The following AGAP4 variants were observed in gnomAD, a reference collection of about 807,000 sequenced individuals.
The protein encoded by AGAP4 is ArfGAP with GTPase domain, ankyrin repeat and PH domain 4.
AGAP4 carries 13 observed loss-of-function variants against 60.7 expected under a neutral mutation model. The observed-to-expected ratio is 0.21, with a 90% CI of 0.14 to 0.34. The LOEUF (loss-of-function observed/expected upper bound fraction) is 0.34, where lower values mean the gene tolerates loss of function less well. AGAP4 is among the 10% of genes least tolerant of loss of function. The pLI, the probability that AGAP4 is intolerant of heterozygous loss-of-function variation, is 1.00. For synonymous variants in AGAP4, 70 were observed against 339.0 expected (o/e 0.21, Z 8.72); for missense variants, 169 against 884.0 (o/e 0.19, Z 10.26).
At chr10:45,838,053 G>C (rs2058851895) in intron 4 of AGAP4, among the ~76,000 whole-genome samples, 1 of 150,784 alleles carries the variant, frequency 6.6e-6, no homozygotes, top group Admixed American at 6.6e-5. Context: ...CAATCAATGA[G>C]TGGATAAAGA....
upstream of AGAP4, among the ~76,000 whole-genome samples, chr10:45,852,311 G>A (rs1228911289): frequency 7.7e-6 from 1 of 129,668 alleles, no homozygotes; most frequent in African/African-American, 3.0e-5. Flanking sequence ...ACTAAAAAAA[G>A]CCTGATACAC....
intron 5 of AGAP4, among the ~76,000 whole-genome samples, chr10:45,832,449 C>T (rs2058750132): frequency 6.7e-6 from 1 of 148,746 alleles, no homozygotes. Context: ...GCTTTAATAT[C>T]TGCCTCATCT....
At position 45,843,739 on chromosome 10, in the gene AGAP4, T is replaced by C. The variant is rs1265334908; in HGVS notation, c.361+587A>G. On this transcript the variant is annotated intron_variant, in intron 3 of 7. Transcript: ENST00000616763. ...TGTTGGCAAATAAATGAGGATTTAA[T>C]ATAACATTAAGGGAAATAAGCAGGA... Among the ~76,000 whole-genome samples, 734 of 131,720 alleles carry C rather than the reference T, an allele frequency of 5.6e-3. 40 individuals are homozygous for C. Among genetic ancestry groups the C allele is most frequent in the African/African-American group, 0.018 (592 of 32,620 alleles). The allele number at this position is 131,720 out of a possible 152,430, so 86.4% of individuals were successfully genotyped here. A position where few individuals can be genotyped will look rare whatever the true frequency, so the allele number is the denominator to read the frequency against.
intron 4 of AGAP4, among the ~76,000 whole-genome samples, chr10:45,834,694 A>G (rs1214036633): frequency 1.1e-4 from 14 of 125,830 alleles, no homozygotes; most frequent in South Asian, 2.6e-4. Flanking sequence ...AAAAAAAAAA[A>G]AAAAGAAAAG....
intron 3 of AGAP4, 128 bp downstream of exon 3, chr10:45,844,198 T>G (rs2058964535): frequency 1.2e-6 from 1 of 800,686 alleles, no homozygotes; most frequent in African/African-American, 1.9e-5. Flanking sequence ...CATATTAAAA[T>G]AAGACAAGGG....
At chr10:45,853,361 C>A (rs1554900709) in intron 1 of AGAP4, among the ~76,000 whole-genome samples, 1 of 151,332 alleles carries the variant, frequency 6.6e-6, no homozygotes, top group African/African-American at 2.4e-5. Context: ...CTTCTACAGT[C>A]TTCCATTGTT....
upstream of AGAP4, among the ~76,000 whole-genome samples, chr10:45,852,239 A>AAAAAAAAAAAAAAC (rs2059094204): frequency 7.3e-6 from 1 of 136,094 alleles, no homozygotes; most frequent in African/African-American, 2.6e-5. Flanking sequence ...AAAAAAAAAA[A>AAAAAAAAAAAAAAC]AAAACTACTG....
At chr10:45,844,727 A>G (rs2058974380) in intron 2 of AGAP4, among the ~76,000 whole-genome samples, 1 of 147,836 alleles carries the variant, frequency 6.8e-6, no homozygotes, top group African/African-American at 2.5e-5. Flanking sequence ...TCAACTTTGC[A>G]TAAAATAAAT....
In AGAP4 at chr10:45,847,402, G is replaced by T. The variant is rs1354172890; in HGVS notation, c.-55C>A. On this transcript the variant is annotated 5_prime_UTR_variant, in exon 1 of 8. Transcript: ENST00000616763. ...TGCCTCTGCTCACAGCTTTGGCCAC[G>T]CACTCCCGCTGTCCTAGGCCGAGGC... 1 of 1,557,942 alleles carries T rather than the reference G, an allele frequency of 6.4e-7. No homozygotes were observed.
chr10:45,836,455 TTCC>T (rs2058819632), intron 4 of AGAP4, among the ~76,000 whole-genome samples: 1 of 122,716 alleles, frequency 8.1e-6, no homozygotes, highest in African/African-American at 2.8e-5. Context: ...ACAGTTTGAC[TTCC>T]TCTTTACTGA....
chr10:45,849,157 C>CAG (rs1216897008), upstream of AGAP4, among the ~76,000 whole-genome samples: 1 of 148,252 alleles, frequency 6.7e-6, no homozygotes, highest in Non-Finnish European at 1.5e-5. Flanking sequence ...ACTCAAGAGG[C>CAG]AGAGACTGCA....
At chr10:45,850,809 A>C (rs1291482295), upstream of AGAP4, among the ~76,000 whole-genome samples, 3 of 151,780 alleles carry the variant, frequency 2.0e-5, no homozygotes, top group Non-Finnish European at 4.4e-5. Context: ...AGAAATAGGT[A>C]AGGAGGAAAA....
At chr10:45,830,763 G>A (rs1240822991) in intron 6 of AGAP4, among the ~76,000 whole-genome samples, 55 of 126,318 alleles carry the variant, frequency 4.4e-4, no homozygotes, top group African/African-American at 1.4e-3. Flanking sequence ...GGGATTACAG[G>A]CGTGAGCCAC....
exon 1 of AGAP4, chr10:45,853,709 T>A: frequency 7.8e-7 from 1 of 1,287,820 alleles, no homozygotes; most frequent in Non-Finnish European, 1.0e-6. Context: ...CAGAAGCTCC[T>A]CTTGGGCAGA....
intron 4 of AGAP4, among the ~76,000 whole-genome samples, chr10:45,838,333 G>C (rs1455620976): frequency 1.3e-5 from 2 of 151,816 alleles, no homozygotes; most frequent in South Asian, 2.1e-4. Flanking sequence ...ACTACAAATT[G>C]GGTTCAGCGG....
At chr10:45,839,918 C>T (rs1590031335) in intron 4 of AGAP4, among the ~76,000 whole-genome samples, 1 of 147,252 alleles carries the variant, frequency 6.8e-6, no homozygotes, top group East Asian at 2.0e-4. Context: ...TATCCCAGAA[C>T]TAGAATAAAA....
chr10:45,841,825 A>T, intron 3 of AGAP4, 138 bp from the exon 4 acceptor site: 1 of 904,838 alleles, frequency 1.1e-6, no homozygotes, highest in South Asian at 2.0e-5. Context: ...ATAACATATA[A>T]TTTAAATTAT....
upstream of AGAP4, among the ~76,000 whole-genome samples, chr10:45,852,451 A>G (rs1345368586): frequency 2.0e-5 from 3 of 147,846 alleles, no homozygotes; most frequent in Admixed American, 2.0e-4. Flanking sequence ...TTTCCCACAA[A>G]AAGTTAAAAG....
At chr10:45,848,455 T>G (rs1299716864), upstream of AGAP4, among the ~76,000 whole-genome samples, 25 of 148,096 alleles carry the variant, frequency 1.7e-4, no homozygotes, top group East Asian at 6.0e-4. Flanking sequence ...CACAGTCCTA[T>G]TTCAATAAAG....
Sources: gnomAD v4.1 joint callset for allele counts (sites outside exome capture counted in the v4.1 genomes callset) on GRCh38, gnomAD v4.1.1 for gene constraint, MANE v1.5 for transcripts, NCBI Gene and HGNC (gene_info 2026-07-23, HGNC 2026-07-21) for gene names.